Variants in KIAA0825 observed in about 807,000 individuals in gnomAD.
The protein encoded by KIAA0825 is KIAA0825.
A neutral mutation model predicts 147.6 loss-of-function variants in KIAA0825; 119 were observed. The ratio of observed to expected loss-of-function variants is 0.81; its 90% CI spans 0.69 to 0.94. The LOEUF (loss-of-function observed/expected upper bound fraction) is 0.94, where lower values mean the gene tolerates loss of function less well. KIAA0825 is among the 40% of genes least tolerant of loss of function. The probability of loss-of-function intolerance (pLI) is 0.00; values close to 1 mark genes in which losing one functional copy is unlikely to be tolerated. For missense variants in KIAA0825, 1,381 were observed against 1,472.7 expected, an observed-to-expected ratio of 0.94 and a Z score of 1.02; for synonymous variants, 470 against 518.1, an observed-to-expected ratio of 0.91 and a Z score of 1.26.
chr5:94,163,397 C>T (rs575246501), intron 20 of KIAA0825, among the ~76,000 whole-genome samples: 2 of 152,132 alleles, frequency 1.3e-5, no homozygotes, highest in Non-Finnish European at 2.9e-5. Flanking sequence ...CTTCTTCCGA[C>T]TTTCTTTACC....
At chr5:94,439,097 C>T (rs531232209) in intron 14 of KIAA0825, among the ~76,000 whole-genome samples, 2 of 152,212 alleles carry the variant, frequency 1.3e-5, no homozygotes, top group East Asian at 3.9e-4. Context: ...TTGGGGACAA[C>T]AACTGTTACA....
chr5:94,478,424 C>T (rs1233689878), intron 6 of KIAA0825, among the ~76,000 whole-genome samples: 1 of 150,100 alleles, frequency 6.7e-6, no homozygotes, highest in Non-Finnish European at 1.5e-5. Context: ...AAATGCATAA[C>T]ATGACTGTAT....
intron 1 of KIAA0825, among the ~76,000 whole-genome samples, chr5:94,614,853 A>G (rs1387642936): frequency 2.0e-5 from 3 of 152,292 alleles, no homozygotes; most frequent in African/African-American, 7.2e-5. Flanking sequence ...TCTAATTTAT[A>G]AAGCATTTTT....
chr5:94,170,689 G>C (rs1469006358), intron 20 of KIAA0825, among the ~76,000 whole-genome samples: 1 of 152,102 alleles, frequency 6.6e-6, no homozygotes, highest in Non-Finnish European at 1.5e-5. Context: ...GAAAATGAAA[G>C]CTTCATTCAA....
At chr5:94,432,490 C>T (rs549310279) in intron 14 of KIAA0825, among the ~76,000 whole-genome samples, 1 of 152,266 alleles carries the variant, frequency 6.6e-6, no homozygotes, top group East Asian at 1.9e-4. Flanking sequence ...ATGGAGCCCA[C>T]TGATACCTCT....
intron 5 of KIAA0825, among the ~76,000 whole-genome samples, chr5:94,507,187 C>T (rs1213785651): frequency 2.6e-5 from 4 of 152,122 alleles, no homozygotes; most frequent in Non-Finnish European, 4.4e-5. Flanking sequence ...CGGTGGCTCA[C>T]GCCTGTAATC....
intron 20 of KIAA0825, among the ~76,000 whole-genome samples, chr5:94,278,477 T>G (rs1356360604): frequency 6.6e-6 from 1 of 151,976 alleles, no homozygotes; most frequent in Non-Finnish European, 1.5e-5. Context: ...GAATATTTGC[T>G]ACATTTTTCA....
intron 20 of KIAA0825, among the ~76,000 whole-genome samples, chr5:94,180,340 A>G (rs1769496880): frequency 6.6e-6 from 1 of 152,128 alleles, no homozygotes; most frequent in African/African-American, 2.4e-5. Context: ...AAAAGTGTCA[A>G]GATCATGAAA....
At chr5:94,204,534 G>A (rs1375826963) in intron 20 of KIAA0825, among the ~76,000 whole-genome samples, 1 of 152,130 alleles carries the variant, frequency 6.6e-6, no homozygotes, top group East Asian at 1.9e-4. Flanking sequence ...AAGTTAAATT[G>A]TAAACTATTT....
chr5:94,484,915 G>A lies in KIAA0825; in HGVS notation c.986C>T (p.Pro329Leu). 6.6e-7 allele frequency: 1 copy of A among 1,510,328 alleles called. No homozygotes were observed. Among genetic ancestry groups the A allele is most frequent in the Non-Finnish European group, 8.9e-7 (1 of 1,120,262 alleles). 93.6% of individuals were successfully genotyped at this position (1,510,328 alleles called of 1,614,324 possible). ...GAGAGAGAAGTTTCTTCCTTTCTGT[G>A]GGCATTCAGTAGTAACTGTGAAAAG... ...AVHALVTTEC[P>L]QKGRNFSLPL... Residue 329 changes from proline (P) to leucine (L), a missense_variant, in exon 6 of 21, where the codon CCA becomes CTA. Pro to Leu is a moderately conservative substitution (Grantham distance 98, BLOSUM62 -3). Transcript: ENST00000682413.
chr5:94,229,497 A>G (rs1774496249), intron 20 of KIAA0825, among the ~76,000 whole-genome samples: 1 of 142,414 alleles, frequency 7.0e-6, no homozygotes. Flanking sequence ...ACTGGTCCAT[A>G]TTGAATTTTT....
intron 20 of KIAA0825, among the ~76,000 whole-genome samples, chr5:94,261,461 T>C (rs1383088375): frequency 1.3e-5 from 2 of 152,140 alleles, no homozygotes; most frequent in East Asian, 3.8e-4. Context: ...ATTATTTCTC[T>C]GTGAAAAAGA....
At chr5:94,461,020 T>C (rs1759750704) in intron 12 of KIAA0825, among the ~76,000 whole-genome samples, 1 of 151,960 alleles carries the variant, frequency 6.6e-6, no homozygotes, top group Admixed American at 6.6e-5. Context: ...AAATTAGCAA[T>C]TTAAATTTGC....
At chr5:94,511,778 A>C (rs1174465759) in intron 5 of KIAA0825, among the ~76,000 whole-genome samples, 1 of 152,188 alleles carries the variant, frequency 6.6e-6, no homozygotes, top group East Asian at 1.9e-4. Flanking sequence ...TCCTGGGGTC[A>C]GGAGTTTGAG....
At chr5:94,505,547 A>C (rs1437190835) in intron 5 of KIAA0825, among the ~76,000 whole-genome samples, 1 of 152,168 alleles carries the variant, frequency 6.6e-6, no homozygotes, top group Non-Finnish European at 1.5e-5. Flanking sequence ...TGGTGAAAAC[A>C]CAGAAAACTA....
At chr5:94,376,005 C>T (rs1417519453) in intron 20 of KIAA0825, among the ~76,000 whole-genome samples, 1 of 152,102 alleles carries the variant, frequency 6.6e-6, no homozygotes, top group Non-Finnish European at 1.5e-5. Flanking sequence ...AACATGGCCT[C>T]GAGCCAAAAT....
intron 17 of KIAA0825, among the ~76,000 whole-genome samples, chr5:94,393,264 C>T (rs1323794905): frequency 1.3e-5 from 2 of 152,180 alleles, no homozygotes; most frequent in South Asian, 2.1e-4. Flanking sequence ...TGTATATGCA[C>T]CCAGCCAGCC....
intron 20 of KIAA0825, among the ~76,000 whole-genome samples, chr5:94,189,254 A>AG (rs1770445367): frequency 6.6e-6 from 1 of 152,104 alleles, no homozygotes. Flanking sequence ...GGAAGAAAAA[A>AG]GTTTTTAATC....
At chr5:94,417,076 G>T (rs2150711370) in intron 15 of KIAA0825, 125 bp downstream of exon 15, 2 of 865,780 alleles carry the variant, frequency 2.3e-6, no homozygotes, top group East Asian at 2.7e-5. Context: ...CTGAAAAAAT[G>T]TAAGGTAAAC....
Sources: gnomAD v4.1 joint callset for allele counts (sites outside exome capture counted in the v4.1 genomes callset) on GRCh38, gnomAD v4.1.1 for gene constraint, MANE v1.5 for transcripts, NCBI Gene and HGNC (gene_info 2026-07-23, HGNC 2026-07-21) for gene names.